The following MAGI1 variants were observed in gnomAD, a reference collection of about 807,000 sequenced individuals.
The protein encoded by MAGI1 is membrane associated guanylate kinase, WW and PDZ domain containing 1, also known as membrane-associated guanylate kinase, WW and PDZ domain-containing protein 1.
MAGI1 carries 58 observed loss-of-function variants against 139.9 expected under a neutral mutation model. That is an observed-to-expected ratio of 0.41 (90% confidence interval 0.34 to 0.52). MAGI1 has a LOEUF of 0.52. MAGI1 is among the 20% of genes least tolerant of loss of function. The pLI is 0.12. For missense variants in MAGI1, 1,874 were observed against 1,901.6 expected (o/e 0.99, Z 0.27); for synonymous variants, 812 against 737.9 (o/e 1.10, Z -1.63).
intron 17 of MAGI1, among the ~76,000 whole-genome samples, chr3:65,376,797 T>C (rs1342645948): frequency 6.6e-6 from 1 of 152,168 alleles, no homozygotes; most frequent in Non-Finnish European, 1.5e-5. Context: ...TTTCCTTTAA[T>C]CATCTCCTTT....
At chr3:65,891,890 ATATATATATATATATATATATATATAT>A (rs1559983606) in intron 1 of MAGI1, among the ~76,000 whole-genome samples, 125 of 1,300 alleles carry the variant, frequency 0.096, 3 homozygotes, top group African/African-American at 0.2. Context: ...AGTATAATAT[ATATATATATATATATATATATATATAT>A]ATATATATAT....
At position 65,364,728 on chromosome 3, in the gene MAGI1, G is replaced by A; in HGVS notation, c.3291-3C>T. The A allele has an allele frequency of 6.2e-7, 1 of 1,613,782 alleles. No homozygotes were observed. On this transcript the variant is annotated splice_polypyrimidine_tract_variant and splice_region_variant and intron_variant, in intron 19 of 22. Transcript: ENST00000402939. ...CCTGCTTTGGTTTGGTGGTATTCCTGCCAAAGTGAAAGAAATAAATATAAG... is the reference window on the plus strand; with the variant it reads ...CCTGCTTTGGTTTGGTGGTATTCCTACCAAAGTGAAAGAAATAAATATAAG...
intron 1 of MAGI1, among the ~76,000 whole-genome samples, chr3:65,846,713 T>G (rs2059010832): frequency 6.6e-6 from 1 of 152,170 alleles, no homozygotes; most frequent in African/African-American, 2.4e-5. Context: ...ACTGAAGGTC[T>G]GAGAGGTAAA....
At chr3:65,624,061 A>T (rs971114323) in intron 1 of MAGI1, among the ~76,000 whole-genome samples, 2 of 152,160 alleles carry the variant, frequency 1.3e-5, no homozygotes, top group Admixed American at 6.5e-5. Flanking sequence ...AAAATAATAA[A>T]ATCACAATGA....
rs60882502 is a variant in MAGI1, at chr3:66,010,077, CAAAAAAAAAA to C, written c.313+27909_313+27918del. On this transcript the variant is annotated intron_variant, in intron 1 of 22. Transcript: ENST00000402939. Reference sequence around the variant, plus strand: ...GGTGACAAAGTGATACTCTCTGTCTCAAAAAAAAAAAAAAAAAAAAAAAAAAAGAATCATT... The same window carrying C: ...GGTGACAAAGTGATACTCTCTGTCTCAAAAAAAAAAAAAAAAAGAATCATT... Among the ~76,000 whole-genome samples, 31 of 69,780 alleles carry C rather than the reference CAAAAAAAAAA, an allele frequency of 4.4e-4. No individual in the cohort carries two copies. In the South Asian group the frequency reaches 6.5e-3, roughly 15 times the overall value. 45.8% of individuals were successfully genotyped at this position (69,780 alleles called of 152,430 possible).
At chr3:65,799,724 T>C (rs2040395096) in intron 1 of MAGI1, among the ~76,000 whole-genome samples, 1 of 152,232 alleles carries the variant, frequency 6.6e-6, no homozygotes, top group South Asian at 2.1e-4. Flanking sequence ...TGTCAGTTAA[T>C]TGTAGTTTTA....
chr3:66,001,714 A>G (rs978340167), intron 1 of MAGI1, among the ~76,000 whole-genome samples: 1 of 152,138 alleles, frequency 6.6e-6, no homozygotes, highest in Non-Finnish European at 1.5e-5. Context: ...TGCCCTTCCA[A>G]TTTTGCTTCC....
chr3:65,699,978 A>G (rs1173714707), intron 1 of MAGI1, among the ~76,000 whole-genome samples: 1 of 152,144 alleles, frequency 6.6e-6, no homozygotes. Flanking sequence ...AGGGCCCCAG[A>G]AATCTGTACT....
At chr3:65,453,111 T>C (rs1949141325) in intron 6 of MAGI1, 147 bp downstream of exon 6, 12 of 675,074 alleles carry the variant, frequency 1.8e-5, no homozygotes. Flanking sequence ...TTCCTGCTTT[T>C]GTAAACCACA....
At chr3:65,772,669 G>A (rs987889605) in intron 1 of MAGI1, among the ~76,000 whole-genome samples, 1 of 152,210 alleles carries the variant, frequency 6.6e-6, no homozygotes, top group African/African-American at 2.4e-5. Flanking sequence ...AAACGAGACA[G>A]CATAAGGATA....
chr3:65,440,914 A>G (rs1359178064), intron 8 of MAGI1, among the ~76,000 whole-genome samples: 3 of 144,234 alleles, frequency 2.1e-5, no homozygotes, highest in East Asian at 3.9e-4. Flanking sequence ...GTATATATAT[A>G]TACACACACA....
intron 2 of MAGI1, 55 bp downstream of exon 2, chr3:65,621,917 T>TCACACACGCACA: frequency 1.1e-6 from 1 of 934,402 alleles, no homozygotes; most frequent in Non-Finnish European, 1.6e-6. Flanking sequence ...CCTGGACTTT[T>TCACACACGCACA]CACACACACA....
chr3:65,600,560 C>T (rs1452311290), intron 2 of MAGI1, among the ~76,000 whole-genome samples: 1 of 152,176 alleles, frequency 6.6e-6, no homozygotes, highest in Non-Finnish European at 1.5e-5. Flanking sequence ...TGCTTAGTTG[C>T]ATTTCTTTTA....
intron 1 of MAGI1, among the ~76,000 whole-genome samples, chr3:65,682,802 T>C (rs1455390540): frequency 6.6e-6 from 1 of 152,064 alleles, no homozygotes; most frequent in East Asian, 1.9e-4. Context: ...AAAAGAACAG[T>C]AACAGGCAGA....
intron 22 of MAGI1, chr3:65,359,182 C>T: frequency 6.2e-7 from 1 of 1,610,136 alleles, no homozygotes; most frequent in Non-Finnish European, 8.5e-7. Flanking sequence ...GCACCAAGAA[C>T]AGTCAGAGAG....
intron 1 of MAGI1, among the ~76,000 whole-genome samples, chr3:65,639,550 C>T (rs1490297495): frequency 1.3e-5 from 2 of 152,138 alleles, no homozygotes; most frequent in African/African-American, 2.4e-5. Context: ...TCTGGTCAAA[C>T]AGAATTCTGG....
At chr3:66,017,000 G>C (rs1171378516) in intron 1 of MAGI1, among the ~76,000 whole-genome samples, 1 of 152,164 alleles carries the variant, frequency 6.6e-6, no homozygotes, top group African/African-American at 2.4e-5. Flanking sequence ...AGGGGAATGG[G>C]GAGTTGGTAA....
rs1413809105 is a variant in MAGI1 at position 66,010,080 on chromosome 3, A to C, written c.313+27916T>G. On this transcript the variant is annotated intron_variant, in intron 1 of 22. Transcript: ENST00000402939. ...GACAAAGTGATACTCTCTGTCTCAA[A>C]AAAAAAAAAAAAAAAAAAAAAAAAG... Among the ~76,000 whole-genome samples, 574 of 107,398 alleles carry C rather than the reference A, an allele frequency of 5.3e-3. 7 individuals carry two copies. Among genetic ancestry groups the C allele is most frequent in the African/African-American group, 0.02 (538 of 26,630 alleles). The allele number at this position is 107,398 out of a possible 152,430, so 70.5% of individuals were successfully genotyped here. A position where few individuals can be genotyped will look rare whatever the true frequency, so the allele number is the denominator to read the frequency against.
intron 4 of MAGI1, among the ~76,000 whole-genome samples, chr3:65,475,105 GA>G (rs796669437): frequency 5.4e-4 from 79 of 146,594 alleles, no homozygotes; most frequent in East Asian, 2.0e-3. Flanking sequence ...GGATTATTGG[GA>G]AAAAAAAAAG....
Sources: allele counts gnomAD v4.1 joint callset (sites outside exome capture counted in the v4.1 genomes callset), GRCh38; gene constraint gnomAD v4.1.1; transcripts MANE v1.5; gene names NCBI Gene and HGNC (gene_info 2026-07-23, HGNC 2026-07-21).